Variants in UBE2U observed in about 807,000 individuals in gnomAD.
The protein encoded by UBE2U is ubiquitin-conjugating enzyme E2 U.
Under a neutral mutation model 41.2 loss-of-function variants are expected in UBE2U, and 39 were observed. That is an observed-to-expected ratio of 0.95 (90% CI 0.73 to 1.24). UBE2U has a LOEUF of 1.24. Among genes scored for constraint, UBE2U ranks in the 50% most tolerant of loss-of-function variants. The probability of loss-of-function intolerance (pLI) is 0.00; values close to 1 mark genes in which losing one functional copy is unlikely to be tolerated. For synonymous variants in UBE2U, 107 were observed against 117.8 expected (o/e 0.91, Z 0.60); for missense variants, 336 against 363.1 (o/e 0.93, Z 0.61).
rs1645265435 is a variant in UBE2U at position 64,267,063 on chromosome 1, T to G, written c.809T>G (p.Ile270Ser). The G allele has an allele frequency of 6.5e-7, 1 of 1,549,972 alleles. No individual in the cohort carries two copies. Among genetic ancestry groups the G allele is most frequent in the Non-Finnish European group, 8.7e-7 (1 of 1,146,872 alleles). ...FLESPTAINS[I>S]TDIYETEEEG... Reference sequence around the variant, plus strand: ...GAGTCACCAACTGCAATAAATAGCATCACAGACATTTATGAAACAGAAGAG... The same window carrying G: ...GAGTCACCAACTGCAATAAATAGCAGCACAGACATTTATGAAACAGAAGAG... Residue 270 changes from isoleucine (I) to serine (S), a missense_variant, in exon 10 of 10, where the codon ATC (isoleucine) becomes AGC (serine). Transcript: ENST00000371077.
intron 4 of UBE2U, among the ~76,000 whole-genome samples, chr1:64,213,781 C>A (rs767281138): frequency 2.0e-5 from 3 of 152,130 alleles, no homozygotes; most frequent in Non-Finnish European, 2.9e-5. Context: ...CACATTTCAT[C>A]GTTGTTTGAA....
At chr1:64,258,970 C>T (rs539813443) in intron 8 of UBE2U, among the ~76,000 whole-genome samples, 14 of 152,344 alleles carry the variant, frequency 9.2e-5, no homozygotes, top group Admixed American at 2.6e-4. Context: ...TCCCCACATC[C>T]TCTCCAACAT....
In UBE2U at chr1:64,244,184, A is replaced by G. The variant is rs186795968; in HGVS notation, c.677+2451A>G. 1.9e-4 allele frequency: 300 copies of G among 1,602,884 alleles called. 2 individuals are homozygous for G. In the African/African-American group the frequency reaches 3.6e-3, roughly 19 times the overall value. ...GGGGAAGAGCATGAGCTTCAGAGTCAAACAGATGTTGGAGAAATTCTTAAC... is the reference window on the plus strand; with the variant it reads ...GGGGAAGAGCATGAGCTTCAGAGTCGAACAGATGTTGGAGAAATTCTTAAC... On this transcript the variant is annotated intron_variant, in intron 8 of 9. Transcript: ENST00000371077.
chr1:64,205,917 G>T (rs1000579456), intron 2 of UBE2U, among the ~76,000 whole-genome samples, 197 bp downstream of exon 2: 1 of 151,970 alleles, frequency 6.6e-6, no homozygotes, highest in Non-Finnish European at 1.5e-5. Context: ...TTTTTGCCAT[G>T]TGTCAACATA....
intron 9 of UBE2U, 150 bp from the exon 10 acceptor site, chr1:64,266,874 A>T: frequency 1.5e-6 from 1 of 679,586 alleles, no homozygotes; most frequent in Non-Finnish European, 2.4e-6. Context: ...AGTTACTTAC[A>T]AAACATGAAG....
chr1:64,236,184 A>C (rs186029050), intron 7 of UBE2U, among the ~76,000 whole-genome samples: 22 of 152,280 alleles, frequency 1.4e-4, no homozygotes, highest in Non-Finnish European at 2.6e-4. Flanking sequence ...GAAGCACTTA[A>C]AACAGTGCCC....
intron 9 of UBE2U, among the ~76,000 whole-genome samples, chr1:64,262,614 C>T (rs1412602205): frequency 2.0e-5 from 3 of 152,180 alleles, no homozygotes; most frequent in African/African-American, 7.2e-5. Flanking sequence ...TGGGCTCTCC[C>T]AGCCTGGCCT....
At chr1:64,225,748 A>G in intron 6 of UBE2U, among the ~76,000 whole-genome samples, 1 of 152,216 alleles carries the variant, frequency 6.6e-6, no homozygotes, top group Non-Finnish European at 1.5e-5. Flanking sequence ...AAGTGGGACC[A>G]AGGGTAATTA....
intron 8 of UBE2U, among the ~76,000 whole-genome samples, chr1:64,259,449 G>C (rs1290335384): frequency 2.0e-5 from 3 of 152,050 alleles, no homozygotes; most frequent in Admixed American, 6.6e-5. Flanking sequence ...GGTTTTTATG[G>C]TTTTAGGTCT....
At chr1:64,251,817 T>TA (rs1258551920) in intron 8 of UBE2U, among the ~76,000 whole-genome samples, 1 of 152,174 alleles carries the variant, frequency 6.6e-6, no homozygotes, top group Non-Finnish European at 1.5e-5. Flanking sequence ...AATCTGGTCC[T>TA]AAAATCCTCC....
At chr1:64,207,332 G>A (rs1651361542) in intron 3 of UBE2U, among the ~76,000 whole-genome samples, 1 of 152,122 alleles carries the variant, frequency 6.6e-6, no homozygotes, top group Non-Finnish European at 1.5e-5. Context: ...TGTATTTTTA[G>A]CAGAGATGGG....
rs1351146375 is a variant in UBE2U at position 64,220,853 on chromosome 1, T to C, written c.458-6T>C. On this transcript the variant is annotated splice_region_variant and splice_polypyrimidine_tract_variant and intron_variant, in intron 5 of 9. Coordinates refer to ENST00000371077, the MANE Select transcript of UBE2U (RefSeq NM_001366232.2). ...ACCAGAATCCTTTCATATTTTTTCT[T>C]TATAGTGAAAGATGACAGCCAGGAG... The C allele has an allele frequency of 1.2e-6, 2 of 1,604,016 alleles. No individual in the cohort carries two copies. The highest frequency in any genetic ancestry group is 1.1e-5 in the South Asian group (1 of 88,822).
chr1:64,208,062 AT>A (rs757629010), intron 3 of UBE2U, among the ~76,000 whole-genome samples: 3 of 152,220 alleles, frequency 2.0e-5, no homozygotes, highest in Non-Finnish European at 4.4e-5. Context: ...TACTAAGAAA[AT>A]AAAAGCAAAT....
At chr1:64,249,476 T>A in intron 8 of UBE2U, among the ~76,000 whole-genome samples, 1 of 148,290 alleles carries the variant, frequency 6.7e-6, no homozygotes, top group East Asian at 2.0e-4. Context: ...GATCCATAAG[T>A]GATAGAGAGG....
At position 64,203,824 on chromosome 1, in the gene UBE2U, C is replaced by T. The variant is rs114584249; in HGVS notation, c.-227C>T. The T allele has an allele frequency of 5.6e-3, 2,324 of 415,252 alleles. 60 individuals carry two copies. Among genetic ancestry groups the T allele is most frequent in the African/African-American group, 0.044 (2,156 of 49,342 alleles). 25.7% of individuals were successfully genotyped at this position (415,252 alleles called of 1,614,324 possible). ...GTGAAACGCCGCAGATGAGGAAGTGCCCAAGTCTTCCTTCGGGAAGTTCTC... is the reference window on the plus strand; with the variant it reads ...GTGAAACGCCGCAGATGAGGAAGTGTCCAAGTCTTCCTTCGGGAAGTTCTC... On this transcript the variant is annotated 5_prime_UTR_variant, in exon 1 of 10. Coordinates refer to ENST00000371077, the MANE Select transcript of UBE2U (RefSeq NM_001366232.2).
chr1:64,233,289 G>C (rs1644605635), intron 7 of UBE2U, among the ~76,000 whole-genome samples: 1 of 152,050 alleles, frequency 6.6e-6, no homozygotes. Context: ...TTACAGGCGT[G>C]AGCCACCACA....
chr1:64,232,469 G>C, intron 6 of UBE2U, 92 bp from the exon 7 acceptor site: 1 of 794,468 alleles, frequency 1.3e-6, no homozygotes, highest in Non-Finnish European at 1.9e-6. Flanking sequence ...CTTGTGACAA[G>C]ATATTATGTG....
chr1:64,223,188 T>G (rs1652613453), intron 6 of UBE2U, among the ~76,000 whole-genome samples: 1 of 152,212 alleles, frequency 6.6e-6, no homozygotes, highest in Non-Finnish European at 1.5e-5. Context: ...TAATATGTCA[T>G]CCCTAACCTC....
intron 7 of UBE2U, among the ~76,000 whole-genome samples, chr1:64,240,634 A>C (rs763501930): frequency 3.3e-5 from 5 of 152,232 alleles, no homozygotes; most frequent in African/African-American, 1.2e-4. Flanking sequence ...TTCCAACTTC[A>C]AAATTCTAAT....
Sources: gnomAD v4.1 joint callset for allele counts (sites outside exome capture counted in the v4.1 genomes callset) on GRCh38, gnomAD v4.1.1 for gene constraint, MANE v1.5 for transcripts, NCBI Gene and HGNC (gene_info 2026-07-23, HGNC 2026-07-21) for gene names.